Variants in FRMD3 observed in about 807,000 individuals in gnomAD.
FRMD3 encodes the protein FERM domain containing 3.
FRMD3 carries 33 observed loss-of-function variants against 70.2 expected under a neutral mutation model. That is an observed-to-expected ratio of 0.47 (90% CI 0.36 to 0.63). The LOEUF is 0.63. Ranked by LOEUF, FRMD3 falls within the 20% of genes least tolerant of loss-of-function variation. The pLI is 0.00. For missense variants in FRMD3, 632 were observed against 711.4 expected (o/e 0.89, Z 1.27); for synonymous variants, 279 against 255.9 (o/e 1.09, Z -0.86).
chr9:83,568,595 C>G, the FRMD3 span, among the ~76,000 whole-genome samples: 1 of 151,978 alleles, frequency 6.6e-6, no homozygotes, highest in South Asian at 2.1e-4. Flanking sequence ...AGAAGGTGAA[C>G]TCAAAGAATT....
At chr9:83,262,204 A>G (rs1010691095) in intron 13 of FRMD3, among the ~76,000 whole-genome samples, 5 of 152,216 alleles carry the variant, frequency 3.3e-5, no homozygotes, top group Admixed American at 1.3e-4. Flanking sequence ...ACATAGGAAC[A>G]TCGACTTCAA....
chr9:83,500,091 C>A (rs1052662707), intron 1 of FRMD3, among the ~76,000 whole-genome samples: 1 of 151,800 alleles, frequency 6.6e-6, no homozygotes, highest in East Asian at 1.9e-4. Context: ...TGGAGAAGAA[C>A]GGAGGGATGA....
At chr9:83,492,154 T>C (rs992739184) in intron 1 of FRMD3, among the ~76,000 whole-genome samples, 1 of 152,196 alleles carries the variant, frequency 6.6e-6, no homozygotes, top group Non-Finnish European at 1.5e-5. Flanking sequence ...CCAGGACACT[T>C]CAGCCCTACA....
chr9:83,503,237 G>A (rs1182869839), intron 1 of FRMD3, among the ~76,000 whole-genome samples: 1 of 152,128 alleles, frequency 6.6e-6, no homozygotes. Flanking sequence ...GAAATTATCT[G>A]CATTATCCTG....
chr9:83,293,442 A>C (rs1415154333), intron 12 of FRMD3, among the ~76,000 whole-genome samples: 1 of 152,112 alleles, frequency 6.6e-6, no homozygotes, highest in African/African-American at 2.4e-5. Flanking sequence ...TGCCAGCTGG[A>C]CTGGCTGCTG....
chr9:83,299,378 G>T (rs1435670702), intron 10 of FRMD3, among the ~76,000 whole-genome samples, 192 bp from the exon 11 acceptor site: 3 of 152,156 alleles, frequency 2.0e-5, no homozygotes, highest in Non-Finnish European at 4.4e-5. Context: ...TATGTGTATT[G>T]CATTCTAATA....
At chr9:83,452,419 G>A (rs1228921227) in intron 1 of FRMD3, among the ~76,000 whole-genome samples, 1 of 151,992 alleles carries the variant, frequency 6.6e-6, no homozygotes, top group Non-Finnish European at 1.5e-5. Flanking sequence ...AAATCCTCCT[G>A]GTTTATGTTC....
In FRMD3 at chr9:83,327,740, C is replaced by A. The variant is rs1272073979; in HGVS notation, c.596+7776G>T. On this transcript the variant is annotated intron_variant, in intron 6 of 13. Transcript: ENST00000304195. ...ATTCTGGATTTTAATACATTCAGATCGATTTGCATCTTCAGCTCTCAGATG... is the reference window on the plus strand; with the variant it reads ...ATTCTGGATTTTAATACATTCAGATAGATTTGCATCTTCAGCTCTCAGATG... Among the ~76,000 whole-genome samples the A allele has an allele frequency of 2.0e-5, 3 of 152,082 alleles. No homozygotes were observed. The East Asian group carries it at 5.8e-4, about 29-fold the overall frequency.
At chr9:83,470,285 A>C (rs1221925816) in intron 1 of FRMD3, among the ~76,000 whole-genome samples, 1 of 152,078 alleles carries the variant, frequency 6.6e-6, no homozygotes, top group Non-Finnish European at 1.5e-5. Flanking sequence ...CTGAACCCAA[A>C]CTTCCCATTA....
At chr9:83,325,498 T>C (rs985141137) in intron 6 of FRMD3, among the ~76,000 whole-genome samples, 2 of 151,806 alleles carry the variant, frequency 1.3e-5, no homozygotes, top group East Asian at 1.9e-4. Flanking sequence ...CTAATTTTTG[T>C]ATTTTTTGTA....
intron 1 of FRMD3, among the ~76,000 whole-genome samples, chr9:83,440,487 C>T (rs1243074796): frequency 6.6e-6 from 1 of 152,158 alleles, no homozygotes; most frequent in Non-Finnish European, 1.5e-5. Context: ...AGATCAGCTC[C>T]CAGCTGGACC....
At chr9:83,255,531 C>T (rs900345768) in intron 13 of FRMD3, among the ~76,000 whole-genome samples, 4 of 151,914 alleles carry the variant, frequency 2.6e-5, no homozygotes, top group Non-Finnish European at 4.4e-5. Flanking sequence ...TTCTGGCCAG[C>T]GCAATCAGGC....
At chr9:83,385,519 C>T (rs187960102) in intron 2 of FRMD3, among the ~76,000 whole-genome samples, 214 of 152,274 alleles carry the variant, frequency 1.4e-3, no homozygotes, top group Non-Finnish European at 2.4e-3. Flanking sequence ...GGGCATGAGA[C>T]ATCTTGCCAA....
intron 1 of FRMD3, among the ~76,000 whole-genome samples, chr9:83,439,921 A>G (rs1304443159): frequency 6.6e-6 from 1 of 152,226 alleles, no homozygotes; most frequent in Non-Finnish European, 1.5e-5. Context: ...ACTAATCTAT[A>G]TTAAATATAT....
chr9:83,313,827 G>A (rs1252255974), intron 6 of FRMD3, 80 bp from the exon 7 acceptor site: 5 of 1,040,572 alleles, frequency 4.8e-6, no homozygotes, highest in Non-Finnish European at 7.5e-6. Context: ...AATAAAGTAT[G>A]GTGTTCTAAG....
chr9:83,325,917 A>G (rs1458368511), intron 6 of FRMD3, among the ~76,000 whole-genome samples: 1 of 152,208 alleles, frequency 6.6e-6, no homozygotes. Context: ...AGTGTCTATA[A>G]ATAAAGTTTT....
At chr9:83,407,244 C>G (rs1361888512) in intron 1 of FRMD3, among the ~76,000 whole-genome samples, 1 of 152,176 alleles carries the variant, frequency 6.6e-6, no homozygotes. Flanking sequence ...TTGTACTTTA[C>G]AGGATAATTT....
rs145028837 is a variant in FRMD3, at chr9:83,389,698, T to G, written c.158A>C (p.Lys53Thr). ...EISCHIQRETKGQFLIDHICN... is the reference protein window; with the variant it reads ...EISCHIQRETTGQFLIDHICN... The stretch of plus-strand genomic sequence containing the variant: ...GATGTGGTCAATGAGAAACTGCCCT[T>G]TGGTTTCCCTCTGCAAAGGAAGCAC... The change falls in exon 2 of 14, where the codon AAA (lysine) becomes ACA (threonine). Residue 53 changes from lysine to threonine, a missense_variant. Around this residue, in one of 3 missense-constraint regions of FRMD3, gnomAD observed 208 missense variants for 247.7 expected, o/e 0.84. Coordinates refer to ENST00000304195, the MANE Select transcript of FRMD3 (RefSeq NM_174938.6). 6.2e-7 allele frequency: 1 copy of G among 1,613,042 alleles called. No homozygotes were observed. The highest frequency in any genetic ancestry group is 8.5e-7 in the Non-Finnish European group (1 of 1,179,176).
chr9:83,350,115 A>G (rs1454517644), intron 3 of FRMD3, among the ~76,000 whole-genome samples: 1 of 152,138 alleles, frequency 6.6e-6, no homozygotes, highest in Non-Finnish European at 1.5e-5. Context: ...AACAAATTGC[A>G]CATAAGCACC....
Sources: gnomAD v4.1 joint callset for allele counts (sites outside exome capture counted in the v4.1 genomes callset) on GRCh38, gnomAD v4.1.1 for gene constraint, gnomAD v4.1.1 regional missense constraint, MANE v1.5 for transcripts, NCBI Gene and HGNC (gene_info 2026-07-23, HGNC 2026-07-21) for gene names.